Variants in RIPK1 observed in about 807,000 individuals in gnomAD.
RIPK1 encodes receptor-interacting serine/threonine-protein kinase 1.
A neutral mutation model predicts 62.4 loss-of-function variants in RIPK1; 27 were observed. That is an observed-to-expected ratio of 0.43 (90% CI 0.32 to 0.60). The LOEUF is 0.60. Among genes scored for constraint, RIPK1 ranks in the 20% least tolerant of loss-of-function variants. The pLI is 0.07. For synonymous variants in RIPK1, 287 were observed against 303.2 expected, an observed-to-expected ratio of 0.95 and a Z score of 0.55; for missense variants, 735 against 831.0, an observed-to-expected ratio of 0.88 and a Z score of 1.42.
rs1761243254 is a variant in RIPK1, at chr6:3,113,031, T to C, written c.1730-22T>C. ...TTGAATGGGTTTTAGCTTGATACCT[T>C]CTTCTTTTTCCCATTTGGCAGATAA... On this transcript the variant is annotated intron_variant, in intron 10 of 10. Transcript: ENST00000259808. This position sits in a 1 kb window ranked among gnomAD's most constrained non-coding sequence, Gnocchi z 5.0. 6.6e-7 allele frequency: 1 copy of C among 1,515,498 alleles called. No individual in the cohort carries two copies. Among genetic ancestry groups the C allele is most frequent in the African/African-American group, 1.4e-5 (1 of 71,780 alleles). 93.9% of individuals were successfully genotyped at this position (1,515,498 alleles called of 1,614,324 possible).
chr6:3,083,569 C>T (rs992018522), intron 5 of RIPK1, among the ~76,000 whole-genome samples: 1 of 152,168 alleles, frequency 6.6e-6, no homozygotes, highest in African/African-American at 2.4e-5. Flanking sequence ...ACAAGGCATA[C>T]ACTTCATACT....
chr6:3,102,710 C>T (rs1760646278), intron 7 of RIPK1, among the ~76,000 whole-genome samples: 1 of 152,180 alleles, frequency 6.6e-6, no homozygotes, highest in African/African-American at 2.4e-5. Flanking sequence ...AAGCGATTCT[C>T]CTGCCTCACC....
upstream of RIPK1, chr6:3,068,490 G>T (rs1374160503): frequency 1.0e-6 from 1 of 985,306 alleles, no homozygotes; most frequent in South Asian, 4.7e-5. Flanking sequence ...GAGGCAGCGC[G>T]AACAGTCCAC....
At chr6:3,076,248 A>T (rs1257923325) in intron 1 of RIPK1, among the ~76,000 whole-genome samples, 1 of 152,192 alleles carries the variant, frequency 6.6e-6, no homozygotes, top group African/African-American at 2.4e-5. Context: ...GGCTGAGGGA[A>T]TAAATATTAT....
At chr6:3,077,956 C>G (rs767405479) in intron 3 of RIPK1, 21 bp downstream of exon 3, 1 of 1,611,760 alleles carries the variant, frequency 6.2e-7, no homozygotes, top group Non-Finnish European at 8.5e-7. Context: ...CCCCTCCGCA[C>G]GGGGATCCCC....
chr6:3,109,390 G>A (rs1364036911), intron 9 of RIPK1, among the ~76,000 whole-genome samples: 3 of 152,048 alleles, frequency 2.0e-5, no homozygotes, highest in Non-Finnish European at 4.4e-5. Flanking sequence ...TGGTGGGACT[G>A]GAGTCTCTGG....
rs775048451 is a variant in RIPK1 at position 3,076,785 on chromosome 6, GAAA to G, written c.-36_-34del. 1 of 1,605,812 alleles carries G rather than the reference GAAA, an allele frequency of 6.2e-7. No homozygotes were observed. The highest frequency in any genetic ancestry group is 8.5e-7 in the Non-Finnish European group (1 of 1,176,708). ...ACAGGGTACAGCTCTGCCGGGGGGG[GAAA>G]AAGTGGTACCATTTTGGGCGTTCTT... On this transcript the variant is annotated 5_prime_UTR_variant, in exon 2 of 11. Transcript: ENST00000259808.
At chr6:3,086,202 G>T (rs1200895508) in intron 6 of RIPK1, among the ~76,000 whole-genome samples, 1 of 152,202 alleles carries the variant, frequency 6.6e-6, no homozygotes, top group African/African-American at 2.4e-5. Context: ...CTCACTCCTT[G>T]AAAGACTTGT....
intron 7 of RIPK1, among the ~76,000 whole-genome samples, chr6:3,101,138 C>A (rs541983669): frequency 5.3e-5 from 8 of 151,992 alleles, no homozygotes; most frequent in Non-Finnish European, 7.4e-5. Context: ...ATTAGCCAAG[C>A]GTGGTGGCGC....
At chr6:3,076,162 G>C (rs1227381327) in intron 1 of RIPK1, among the ~76,000 whole-genome samples, 2 of 152,112 alleles carry the variant, frequency 1.3e-5, no homozygotes, top group East Asian at 3.9e-4. Flanking sequence ...GTATTATGTT[G>C]TCCAACATAC....
At chr6:3,103,658 TCTTTA>T (rs749635432) in intron 7 of RIPK1, among the ~76,000 whole-genome samples, 1 of 152,240 alleles carries the variant, frequency 6.6e-6, no homozygotes, top group East Asian at 1.9e-4. Flanking sequence ...TTATTTTTAC[TCTTTA>T]CTTTTGTTTG....
intron 9 of RIPK1, among the ~76,000 whole-genome samples, chr6:3,107,253 A>G (rs1305298672): frequency 3.0e-5 from 4 of 131,974 alleles, no homozygotes; most frequent in East Asian, 4.1e-4. Context: ...TTGTGTCTCG[A>G]AAAAAAAAAA....
chr6:3,097,478 A>G (rs1458024758), intron 7 of RIPK1, among the ~76,000 whole-genome samples: 2 of 152,358 alleles, frequency 1.3e-5, no homozygotes, highest in African/African-American at 2.4e-5. Context: ...ATGGCACTGT[A>G]GAGCAGTGGG....
Position 3,087,413 on chromosome 6 carries a change from G to GT in RIPK1, c.838+2013dup, listed in dbSNP as rs963499765. Among the ~76,000 whole-genome samples the GT allele has an allele frequency of 3.8e-4, 41 of 106,614 alleles. No individual in the cohort carries two copies. The African/African-American group carries it at 4.9e-3, about 13-fold the overall frequency. The allele number at this position is 106,614 out of a possible 152,430, so 69.9% of individuals were successfully genotyped here. ...GTCCCACAGGTCCCTGAGGCTTTGT[G>GT]TTTTTTTTGTTTTTTTTGTTTTTGT... is the stretch of plus-strand genomic sequence containing the variant. On this transcript the variant is annotated intron_variant, in intron 6 of 10. Transcript: ENST00000259808.
In RIPK1 at chr6:3,105,134, G is replaced by A. The variant is rs1042766194; in HGVS notation, c.1007-348G>A. ...CCCAACGTGCTAGGATTACAGGCGTGAGCCACCGCACCCAGCCACAGATCT... is the reference window on the plus strand; with the variant it reads ...CCCAACGTGCTAGGATTACAGGCGTAAGCCACCGCACCCAGCCACAGATCT... On this transcript the variant is annotated intron_variant, in intron 8 of 10. Transcript: ENST00000259808. This position sits in a 1 kb window ranked among gnomAD's most constrained non-coding sequence, Gnocchi z 4.5. 3.9e-5 allele frequency among the ~76,000 whole-genome samples: 6 copies of A among 152,302 alleles called. No homozygotes were observed. The highest frequency in any genetic ancestry group is 1.4e-4 in the African/African-American group (6 of 41,546).
At chr6:3,078,048 T>C (rs905838800) in intron 3 of RIPK1, 113 bp downstream of exon 3, 4 of 1,024,542 alleles carry the variant, frequency 3.9e-6, no homozygotes, top group African/African-American at 1.6e-5. Context: ...TGCAAATTGC[T>C]TGGTAGTTTG....
chr6:3,083,252 G>C lies in RIPK1; in HGVS notation c.627G>C (p.Ser209=). Residue 209 remains serine (S), a synonymous_variant, in exon 5 of 11, where the codon TCG becomes TCC. Transcript: ENST00000259808. ...NDVNAKPTEK[S]DVYSFAVVLW... ...TCAACGCAAAGCCCACAGAGAAGTC[G>C]GATGTGTACAGCTTTGCTGTAGTAC... The C allele has an allele frequency of 1.2e-6, 2 of 1,613,894 alleles. No homozygotes were observed. The highest frequency in any genetic ancestry group is 1.3e-5 in the African/African-American group (1 of 75,006).
intron 7 of RIPK1, among the ~76,000 whole-genome samples, chr6:3,101,705 G>A (rs2113680858): frequency 6.6e-6 from 1 of 152,156 alleles, no homozygotes; most frequent in Admixed American, 6.5e-5. Flanking sequence ...CTATGGATAG[G>A]TTTTAAGAAT....
intron 9 of RIPK1, among the ~76,000 whole-genome samples, chr6:3,110,408 C>T (rs1323425246): frequency 1.3e-5 from 2 of 151,936 alleles, no homozygotes; most frequent in African/African-American, 4.8e-5. Flanking sequence ...GGGGTTTCAC[C>T]ATGTTGGCCA....
Sources: gnomAD v4.1 joint callset for allele counts (sites outside exome capture counted in the v4.1 genomes callset) on GRCh38, gnomAD v4.1.1 for gene constraint, Gnocchi (gnomAD v3.1) non-coding constraint, MANE v1.5 for transcripts, NCBI Gene and HGNC (gene_info 2026-07-23, HGNC 2026-07-21) for gene names.